The following HELZ variants were observed in gnomAD, a reference collection of about 807,000 sequenced individuals.
HELZ encodes the protein helicase with zinc finger.
A neutral mutation model predicts 218.2 loss-of-function variants in HELZ; 23 were observed. The ratio of observed to expected loss-of-function variants is 0.11; its 90% CI spans 0.08 to 0.15. The LOEUF is 0.15. Among genes scored for constraint, HELZ ranks in the 10% least tolerant of loss-of-function variants. HELZ has a pLI of 1.00. For missense variants in HELZ, 1,813 were observed against 2,353.7 expected (o/e 0.77, Z 4.75); for synonymous variants, 814 against 829.4 (o/e 0.98, Z 0.32).
Position 67,166,885 on chromosome 17 carries a change from G to C in HELZ, c.1765-277C>G, listed in dbSNP as rs139457945. Reference sequence around the variant, plus strand: ...ACATCATTTTACATATTAAGAAATTGACATATTTGTAAGTTACCTAATCTC... The same window carrying C: ...ACATCATTTTACATATTAAGAAATTCACATATTTGTAAGTTACCTAATCTC... On this transcript the variant is annotated intron_variant, in intron 14 of 32. Coordinates refer to ENST00000358691, the MANE Select transcript of HELZ (RefSeq NM_014877.4). Among the ~76,000 whole-genome samples the C allele has an allele frequency of 2.2e-4, 33 of 152,106 alleles. 1 individual carries two copies. The East Asian group carries it at 6.2e-3, about 29-fold the overall frequency.
chr17:67,202,958 T>C (rs1378569634), intron 6 of HELZ, among the ~76,000 whole-genome samples: 1 of 151,852 alleles, frequency 6.6e-6, no homozygotes, highest in Non-Finnish European at 1.5e-5. Context: ...ACCTCGTCTC[T>C]ACAAAAAGTC....
intron 24 of HELZ, among the ~76,000 whole-genome samples, chr17:67,126,980 T>C (rs143556038): frequency 0.011 from 1,652 of 152,344 alleles, 14 homozygotes; most frequent in Non-Finnish European, 0.018. Context: ...GCTTTACTCA[T>C]TCATTTAAAA....
At chr17:67,201,031 T>C (rs2040155158) in intron 7 of HELZ, 98 bp downstream of exon 7, 1 of 918,494 alleles carries the variant, frequency 1.1e-6, no homozygotes, top group African/African-American at 1.6e-5. Flanking sequence ...CCTCGCCTTC[T>C]GGCTGATGCC....
At chr17:67,243,039 GT>G in intron 2 of HELZ, among the ~76,000 whole-genome samples, 1 of 151,794 alleles carries the variant, frequency 6.6e-6, no homozygotes, top group East Asian at 1.9e-4. Context: ...GAGAAAACTC[GT>G]GAAAAATGTA....
At chr17:67,162,697 A>C (rs1246057732) in intron 15 of HELZ, among the ~76,000 whole-genome samples, 3 of 151,602 alleles carry the variant, frequency 2.0e-5, no homozygotes, top group African/African-American at 4.9e-5. Context: ...GGACTTCTAT[A>C]CCCAATAAAA....
chr17:67,191,479 T>C (rs58458650), intron 9 of HELZ, among the ~76,000 whole-genome samples: 29,720 of 151,950 alleles, frequency 0.2, 3,018 homozygotes, highest in African/African-American at 0.26. Flanking sequence ...TTGGAGATAG[T>C]CTCGCTCTGT....
rs114129449 is a variant in HELZ at position 67,159,852 on chromosome 17, A to G, written c.2177+409T>C. 4.4e-3 allele frequency among the ~76,000 whole-genome samples: 674 copies of G among 152,308 alleles called. 5 individuals carry two copies. The highest frequency in any genetic ancestry group is 0.015 in the African/African-American group (632 of 41,580). On this transcript the variant is annotated intron_variant, in intron 17 of 32. Coordinates refer to ENST00000358691, the MANE Select transcript of HELZ (RefSeq NM_014877.4). The stretch of plus-strand genomic sequence containing the variant: ...GTGTAGCTTCTATGAAATTACCTGC[A>G]TGATCACAGCCAAAATTTTATTTTC...
At chr17:67,092,153 A>C (rs1487136884) in intron 31 of HELZ, among the ~76,000 whole-genome samples, 1 of 152,234 alleles carries the variant, frequency 6.6e-6, no homozygotes, top group Non-Finnish European at 1.5e-5. Context: ...ATTTTTTAAA[A>C]GCATGATTCC....
chr17:67,082,889 C>T (rs1344496539), intron 32 of HELZ, among the ~76,000 whole-genome samples: 1 of 132,082 alleles, frequency 7.6e-6, no homozygotes, highest in African/African-American at 2.9e-5. Context: ...TGGAGTCTTG[C>T]TCTGTCGCCC....
intron 24 of HELZ, among the ~76,000 whole-genome samples, chr17:67,127,709 T>C (rs1445144571): frequency 6.6e-6 from 1 of 151,920 alleles, no homozygotes. Context: ...TAGCCAGGCG[T>C]GGTGGATGCG....
chr17:67,181,400 C>T (rs2039608587), intron 12 of HELZ, among the ~76,000 whole-genome samples: 1 of 152,120 alleles, frequency 6.6e-6, no homozygotes, highest in African/African-American at 2.4e-5. Flanking sequence ...AGTATTCAGG[C>T]TTTTGGGGAA....
At chr17:67,232,684 T>G (rs1413915539) in intron 3 of HELZ, among the ~76,000 whole-genome samples, 1 of 152,226 alleles carries the variant, frequency 6.6e-6, no homozygotes, top group African/African-American at 2.4e-5. Context: ...ACCAGATTAC[T>G]TTTGCTTCAC....
intron 13 of HELZ, among the ~76,000 whole-genome samples, chr17:67,177,067 G>T (rs2144215420): frequency 6.6e-6 from 1 of 151,446 alleles, no homozygotes; most frequent in East Asian, 1.9e-4. Flanking sequence ...AGACCTCCTG[G>T]GCTCAAGCGA....
intron 9 of HELZ, 34 bp downstream of exon 9, chr17:67,193,933 T>C: frequency 2.0e-6 from 3 of 1,491,020 alleles, no homozygotes; most frequent in Non-Finnish European, 2.8e-6. Context: ...CAACAAGACA[T>C]GTCATTGTTT....
chr17:67,240,437 A>C (rs890316372), intron 2 of HELZ, among the ~76,000 whole-genome samples: 1 of 152,204 alleles, frequency 6.6e-6, no homozygotes, highest in Non-Finnish European at 1.5e-5. Flanking sequence ...GTACTGCTCA[A>C]ATTTGTTTAC....
At chr17:67,236,995 C>G (rs1359739047) in intron 3 of HELZ, among the ~76,000 whole-genome samples, 1 of 152,196 alleles carries the variant, frequency 6.6e-6, no homozygotes, top group Non-Finnish European at 1.5e-5. Flanking sequence ...CTCTGATCAT[C>G]CCTATGAACC....
chr17:67,201,147 T>C lies in HELZ; in HGVS notation c.411A>G (p.Thr137=), dbSNP rs1340282346. The change falls in exon 7 of 33, where the codon ACA becomes ACG. Residue 137 remains threonine (T), a synonymous_variant. Coordinates refer to ENST00000358691, the MANE Select transcript of HELZ (RefSeq NM_014877.4). The part of the protein sequence containing the change: ...MVTKDLTRLK[T]LLSETETATS... ...GCCTTACCTCTGTTTCTGAGAGAAG[T>C]GTTTTTAGTCTTGTCAAATCCTTTG... 1.9e-6 allele frequency: 3 copies of C among 1,609,194 alleles called. No homozygotes were observed. The highest frequency in any genetic ancestry group is 2.7e-5 in the African/African-American group (2 of 74,826).
chr17:67,173,381 C>T (rs1198773061), intron 13 of HELZ, among the ~76,000 whole-genome samples: 1 of 152,084 alleles, frequency 6.6e-6, no homozygotes, highest in African/African-American at 2.4e-5. Context: ...TTGTTGCATG[C>T]TACATTTTAA....
chr17:67,202,358 G>A (rs187473638), intron 6 of HELZ, among the ~76,000 whole-genome samples: 1,797 of 152,234 alleles, frequency 0.012, 12 homozygotes, highest in South Asian at 0.023. Flanking sequence ...TCTGAGCACA[G>A]TGGCACATGC....
Sources: gnomAD v4.1 joint callset for allele counts (sites outside exome capture counted in the v4.1 genomes callset) on GRCh38, gnomAD v4.1.1 for gene constraint, MANE v1.5 for transcripts, NCBI Gene and HGNC (gene_info 2026-07-23, HGNC 2026-07-21) for gene names.